The following TRPC4 variants were observed in gnomAD, a reference collection of about 807,000 sequenced individuals.
The protein encoded by TRPC4 is short transient receptor potential channel 4.
Under a neutral mutation model 99.4 loss-of-function variants are expected in TRPC4, and 49 were observed. The ratio of observed to expected loss-of-function variants is 0.49; its 90% CI spans 0.39 to 0.63. The LOEUF is 0.63. TRPC4 is among the 20% of genes least tolerant of loss of function. The probability of loss-of-function intolerance (pLI) is 0.00; values close to 1 mark genes in which losing one functional copy is unlikely to be tolerated. For missense variants in TRPC4, 898 were observed against 1,152.9 expected, an observed-to-expected ratio of 0.78 and a Z score of 3.20; for synonymous variants, 454 against 425.9, an observed-to-expected ratio of 1.07 and a Z score of -0.81.
chr13:37,688,222 C>A (rs1953557734), intron 4 of TRPC4, among the ~76,000 whole-genome samples: 1 of 152,198 alleles, frequency 6.6e-6, no homozygotes, highest in African/African-American at 2.4e-5. Flanking sequence ...TTATTGCTGA[C>A]ACCGTGGCAG....
At position 37,663,490 on chromosome 13, in the gene TRPC4, G is replaced by A; in HGVS notation, c.1614C>T (p.Tyr538=). The change falls in exon 6 of 11, where the codon TAC becomes TAT. Residue 538 remains tyrosine (Y), a synonymous_variant. Transcript: ENST00000379705. The stretch of plus-strand genomic sequence containing the variant: ...ACCCTTTCGTTTCTTCATAATAGAA[G>A]TACAATTGATTTAGGCCATTTGCAA... ...LAFANGLNQL[Y]FYYEETKGLT... is the part of the protein sequence containing the mutation. 6.2e-7 allele frequency: 1 copy of A among 1,614,162 alleles called. No individual in the cohort carries two copies. Among genetic ancestry groups the A allele is most frequent in the East Asian group, 2.2e-5 (1 of 44,880 alleles).
intron 1 of TRPC4, among the ~76,000 whole-genome samples, chr13:37,840,725 A>C: frequency 6.6e-6 from 1 of 152,074 alleles, no homozygotes; most frequent in East Asian, 1.9e-4. Flanking sequence ...GTGAACTATA[A>C]ATTTATTTTT....
intron 1 of TRPC4, among the ~76,000 whole-genome samples, chr13:37,835,498 G>A (rs1418806213): frequency 6.6e-6 from 1 of 152,118 alleles, no homozygotes; most frequent in Non-Finnish European, 1.5e-5. Context: ...CTTTATTCTT[G>A]CATATCCTGT....
chr13:37,853,584 C>T (rs1959110298), intron 1 of TRPC4, among the ~76,000 whole-genome samples: 1 of 152,102 alleles, frequency 6.6e-6, no homozygotes, highest in Non-Finnish European at 1.5e-5. Context: ...ATAAATAAGT[C>T]ACTGGGGACC....
At chr13:37,670,202 C>T (rs2138735228) in intron 5 of TRPC4, among the ~76,000 whole-genome samples, 1 of 152,294 alleles carries the variant, frequency 6.6e-6, no homozygotes, top group South Asian at 2.1e-4. Context: ...TTGTTTAAGC[C>T]ACCCAATCTA....
chr13:37,849,448 A>G (rs1372627744), intron 1 of TRPC4, among the ~76,000 whole-genome samples: 1 of 152,130 alleles, frequency 6.6e-6, no homozygotes, highest in Non-Finnish European at 1.5e-5. Context: ...TGAGGAACAA[A>G]GTCAAAACCA....
At chr13:37,815,639 G>A (rs1255888663) in intron 1 of TRPC4, among the ~76,000 whole-genome samples, 1 of 151,846 alleles carries the variant, frequency 6.6e-6, no homozygotes, top group Non-Finnish European at 1.5e-5. Context: ...AACCTACAAA[G>A]AGACTTAGAT....
chr13:37,812,034 T>C (rs1460524701), intron 1 of TRPC4, among the ~76,000 whole-genome samples: 1 of 150,902 alleles, frequency 6.6e-6, no homozygotes, highest in East Asian at 2.0e-4. Context: ...GTGATGGTGC[T>C]TGGGAGTTGT....
At chr13:37,810,141 G>T (rs1258951570) in intron 1 of TRPC4, among the ~76,000 whole-genome samples, 1 of 152,002 alleles carries the variant, frequency 6.6e-6, no homozygotes. Context: ...TTTAAATCAT[G>T]CTAGAAGTAT....
intron 1 of TRPC4, among the ~76,000 whole-genome samples, chr13:37,815,555 T>G (rs1479940444): frequency 2.0e-5 from 3 of 151,844 alleles, no homozygotes; most frequent in South Asian, 2.1e-4. Context: ...ATGTATTCAA[T>G]AAGAAGACCT....
intron 2 of TRPC4, among the ~76,000 whole-genome samples, chr13:37,772,217 T>C (rs1956570750): frequency 6.6e-6 from 1 of 151,712 alleles, no homozygotes; most frequent in African/African-American, 2.4e-5. Context: ...AAGGAAAAGA[T>C]AAAACTTTGA....
chr13:37,813,394 T>C (rs985148050), intron 1 of TRPC4, among the ~76,000 whole-genome samples: 1 of 151,476 alleles, frequency 6.6e-6, no homozygotes, highest in Non-Finnish European at 1.5e-5. Context: ...TATATTACAG[T>C]GGATATAAGT....
chr13:37,673,089 TC>T (rs71093697), intron 5 of TRPC4, among the ~76,000 whole-genome samples: 2 of 96,502 alleles, frequency 2.1e-5, no homozygotes, highest in African/African-American at 4.0e-5. Context: ...GTGCTATCCC[TC>T]CCCCCTCCCC....
intron 4 of TRPC4, among the ~76,000 whole-genome samples, chr13:37,674,710 A>C (rs1008912939): frequency 6.6e-6 from 1 of 152,164 alleles, no homozygotes; most frequent in Admixed American, 6.5e-5. Flanking sequence ...GTCTTGACAT[A>C]TATTTTTCTC....
chr13:37,861,237 T>G (rs1436215452), intron 1 of TRPC4, among the ~76,000 whole-genome samples: 1 of 151,588 alleles, frequency 6.6e-6, no homozygotes, highest in Non-Finnish European at 1.5e-5. Context: ...CTCAATTGGG[T>G]TGTATATTTA....
chr13:37,728,867 T>C (rs1328933384), intron 3 of TRPC4, among the ~76,000 whole-genome samples: 1 of 152,046 alleles, frequency 6.6e-6, no homozygotes, highest in Non-Finnish European at 1.5e-5. Context: ...AGCCTAGAAA[T>C]GAGCCCTCAC....
chr13:37,716,803 G>GA (rs1215066131), intron 3 of TRPC4, among the ~76,000 whole-genome samples: 1 of 152,016 alleles, frequency 6.6e-6, no homozygotes, highest in African/African-American at 2.4e-5. Context: ...TAGGAAGCTG[G>GA]AAAAAAACAT....
chr13:37,849,131 C>T (rs1958990752), intron 1 of TRPC4, among the ~76,000 whole-genome samples: 1 of 152,106 alleles, frequency 6.6e-6, no homozygotes, highest in Admixed American at 6.6e-5. Context: ...GGGTATGCAT[C>T]CATGGAGGCT....
intron 3 of TRPC4, among the ~76,000 whole-genome samples, chr13:37,739,525 A>G (rs972015246): frequency 4.1e-5 from 4 of 98,228 alleles, no homozygotes; most frequent in African/African-American, 1.4e-4. Context: ...TTTTTTTTTG[A>G]GATGGAGTCT....
Sources: gnomAD v4.1 joint callset for allele counts (sites outside exome capture counted in the v4.1 genomes callset) on GRCh38, gnomAD v4.1.1 for gene constraint, MANE v1.5 for transcripts, NCBI Gene and HGNC (gene_info 2026-07-23, HGNC 2026-07-21) for gene names.